Variants in DPP10 observed in about 807,000 individuals in gnomAD.
DPP10 encodes the protein inactive dipeptidyl peptidase 10.
DPP10 carries 33 observed loss-of-function variants against 120.9 expected under a neutral mutation model. That is an observed-to-expected ratio of 0.27 (90% CI 0.21 to 0.37). DPP10 has a LOEUF of 0.37. Among genes scored for constraint, DPP10 ranks in the 10% least tolerant of loss-of-function variants. The pLI is 1.00. For missense variants in DPP10, 816 were observed against 942.8 expected (o/e 0.87, Z 1.76); for synonymous variants, 337 against 326.1 (o/e 1.03, Z -0.36).
At position 115,478,884 on chromosome 2, in the gene DPP10, C is replaced by A. The variant is rs2075255974; in HGVS notation, c.272-20626C>A. 2.0e-5 allele frequency among the ~76,000 whole-genome samples: 3 copies of A among 152,186 alleles called. No individual in the cohort carries two copies. In the South Asian group the frequency reaches 6.2e-4, roughly 32 times the overall value. On this transcript the variant is annotated intron_variant, in intron 3 of 25. Transcript: ENST00000410059. The stretch of plus-strand genomic sequence containing the variant: ...TCACATTCACTATGATGCATACTAT[C>A]AGAAAGAAAGTAAATAGAAAATATT...
intron 3 of DPP10, among the ~76,000 whole-genome samples, chr2:115,442,511 C>T (rs1225911042): frequency 2.6e-5 from 4 of 151,904 alleles, no homozygotes; most frequent in Non-Finnish European, 4.4e-5. Flanking sequence ...TGGAATGTTG[C>T]TTAGGATTTG....
chr2:114,607,036 G>T (rs1020559512), intron 1 of DPP10, among the ~76,000 whole-genome samples: 4 of 152,176 alleles, frequency 2.6e-5, no homozygotes, highest in African/African-American at 7.2e-5. Context: ...CCATGGTGAA[G>T]GTTGTCCTGG....
chr2:114,490,389 G>A (rs72949900), intron 1 of DPP10, among the ~76,000 whole-genome samples: 7,018 of 151,544 alleles, frequency 0.046, 291 homozygotes, highest in African/African-American at 0.11. Flanking sequence ...ACCCATTTCA[G>A]CTCTACTCCA....
chr2:115,505,614 A>G (rs2076900128), intron 4 of DPP10, among the ~76,000 whole-genome samples: 1 of 152,166 alleles, frequency 6.6e-6, no homozygotes, highest in African/African-American at 2.4e-5. Context: ...GCTCTAGTTT[A>G]AACATTTGAT....
At chr2:115,203,866 A>G (rs923398043) in intron 1 of DPP10, among the ~76,000 whole-genome samples, 1 of 152,088 alleles carries the variant, frequency 6.6e-6, no homozygotes, top group Non-Finnish European at 1.5e-5. Flanking sequence ...CCCTCCATGG[A>G]GAGGTTTCCC....
At chr2:115,270,135 T>C (rs983887943) in intron 1 of DPP10, among the ~76,000 whole-genome samples, 5 of 147,282 alleles carry the variant, frequency 3.4e-5, no homozygotes, top group African/African-American at 7.5e-5. Flanking sequence ...CAAACACTTA[T>C]TTATGCTGGC....
chr2:114,724,977 C>T (rs564226685), intron 1 of DPP10, among the ~76,000 whole-genome samples: 1 of 152,216 alleles, frequency 6.6e-6, no homozygotes, highest in East Asian at 1.9e-4. Context: ...ATTTTCTTAA[C>T]CTTGGGGTCT....
chr2:114,587,411 G>T (rs1277465342), intron 1 of DPP10, among the ~76,000 whole-genome samples: 2 of 151,670 alleles, frequency 1.3e-5, no homozygotes, highest in African/African-American at 4.8e-5. Context: ...TAGCCATGTA[G>T]GTCTTTGATC....
chr2:114,918,423 G>A (rs1694960298), intron 1 of DPP10, among the ~76,000 whole-genome samples: 1 of 152,138 alleles, frequency 6.6e-6, no homozygotes, highest in Non-Finnish European at 1.5e-5. Flanking sequence ...TCTACCATTT[G>A]ACCCAGCAAT....
At chr2:114,943,163 T>C (rs1217030156) in intron 1 of DPP10, among the ~76,000 whole-genome samples, 3 of 152,176 alleles carry the variant, frequency 2.0e-5, no homozygotes, top group African/African-American at 7.2e-5. Context: ...GGTTTTCTGT[T>C]CTTGTGTTAG....
chr2:115,753,433 A>G (rs1679006415), intron 11 of DPP10, 136 bp downstream of exon 11: 3 of 769,762 alleles, frequency 3.9e-6, no homozygotes, highest in Non-Finnish European at 5.7e-6. Context: ...GAATTATTCT[A>G]TTAAGAATAT....
chr2:115,231,021 T>A (rs746229096), intron 1 of DPP10, among the ~76,000 whole-genome samples: 8 of 151,416 alleles, frequency 5.3e-5, no homozygotes, highest in Non-Finnish European at 7.4e-5. Flanking sequence ...GTTCAAGACA[T>A]CAAAAAGAAA....
At chr2:115,774,218 A>ACT (rs1681824973) in intron 13 of DPP10, among the ~76,000 whole-genome samples, 1 of 147,986 alleles carries the variant, frequency 6.8e-6, no homozygotes, top group South Asian at 2.2e-4. Flanking sequence ...ATACACACAC[A>ACT]CACACACACA....
chr2:114,883,634 T>G (rs557373945), intron 1 of DPP10, among the ~76,000 whole-genome samples: 1 of 152,314 alleles, frequency 6.6e-6, no homozygotes, highest in South Asian at 2.1e-4. Flanking sequence ...CTGAGAGTTA[T>G]GTGTTGATGG....
intron 1 of DPP10, among the ~76,000 whole-genome samples, chr2:114,892,012 G>A (rs1261226075): frequency 6.6e-6 from 1 of 152,122 alleles, no homozygotes; most frequent in African/African-American, 2.4e-5. Flanking sequence ...GGTTCTCCAT[G>A]AAGTAGGACC....
At position 115,842,568 on chromosome 2, in the gene DPP10, G is replaced by A. The variant is rs959327504; in HGVS notation, c.*223G>A. 2.5e-6 allele frequency: 1 copy of A among 399,146 alleles called. No individual in the cohort carries two copies. The highest frequency in any genetic ancestry group is 2.0e-5 in the African/African-American group (1 of 48,868). 24.7% of individuals were successfully genotyped at this position (399,146 alleles called of 1,614,324 possible). On this transcript the variant is annotated 3_prime_UTR_variant, in exon 26 of 26. Coordinates refer to ENST00000410059, the MANE Select transcript of DPP10 (RefSeq NM_020868.6). ...TTTCTTTGTATGAGAGAGGTCAAAGGGTTGGTTTCCTGGGAGAAATTAGTT... is the reference window on the plus strand; with the variant it reads ...TTTCTTTGTATGAGAGAGGTCAAAGAGTTGGTTTCCTGGGAGAAATTAGTT...
chr2:115,446,199 T>C (rs2072571396), intron 3 of DPP10, among the ~76,000 whole-genome samples: 1 of 152,194 alleles, frequency 6.6e-6, no homozygotes, highest in Non-Finnish European at 1.5e-5. Context: ...AGAATTGAGG[T>C]TTGGCAACAT....
intron 1 of DPP10, among the ~76,000 whole-genome samples, chr2:114,707,823 A>G (rs72830365): frequency 0.013 from 1,988 of 152,326 alleles, 17 homozygotes; most frequent in Middle Eastern, 0.034. Context: ...ATAATTCACC[A>G]TCTCCAGCCT....
intron 1 of DPP10, among the ~76,000 whole-genome samples, chr2:114,667,489 T>C (rs2105604122): frequency 6.6e-6 from 1 of 152,324 alleles, no homozygotes; most frequent in Admixed American, 6.5e-5. Flanking sequence ...ACTGACCTTC[T>C]TAATATACAG....
Sources: gnomAD v4.1 joint callset for allele counts (sites outside exome capture counted in the v4.1 genomes callset) on GRCh38, gnomAD v4.1.1 for gene constraint, MANE v1.5 for transcripts, NCBI Gene and HGNC (gene_info 2026-07-23, HGNC 2026-07-21) for gene names.